The following ADGRL3 variants were observed in gnomAD, a reference collection of about 807,000 sequenced individuals.
ADGRL3 encodes the protein calcium-independent alpha-latrotoxin receptor 3.
ADGRL3 carries 62 observed loss-of-function variants against 153.5 expected under a neutral mutation model. The ratio of observed to expected loss-of-function variants is 0.40; its 90% CI spans 0.33 to 0.50. The LOEUF (loss-of-function observed/expected upper bound fraction) is 0.50. Ranked by LOEUF, ADGRL3 falls within the 20% of genes least tolerant of loss-of-function variation. The pLI is 0.47. For synonymous variants in ADGRL3, 710 were observed against 672.5 expected (o/e 1.06, Z -0.86); for missense variants, 1,641 against 1,859.4 (o/e 0.88, Z 2.16).
intron 8 of ADGRL3, among the ~76,000 whole-genome samples, chr4:61,774,457 A>G (rs1372712387): frequency 6.6e-6 from 1 of 152,074 alleles, no homozygotes; most frequent in African/African-American, 2.4e-5. Flanking sequence ...AAAACAATAC[A>G]GTATAACAAC....
intron 1 of ADGRL3, among the ~76,000 whole-genome samples, chr4:61,263,396 C>G (rs11731649): frequency 0.42 from 62,691 of 150,132 alleles, 13,115 homozygotes; most frequent in Non-Finnish European, 0.44. Flanking sequence ...GGGGTTTAAC[C>G]CTTTCAGTAT....
In ADGRL3 at chr4:61,726,210, G is replaced by GTTTTTTTTTTTTGTTTTTTTTTT. The variant is rs149472429; in HGVS notation, c.584-4406_584-4405insTTTTTTGTTTTTTTTTTTTTTTT. Among the ~76,000 whole-genome samples, 13 of 118,528 alleles carry GTTTTTTTTTTTTGTTTTTTTTTT rather than the reference G, an allele frequency of 1.1e-4. 2 individuals are homozygous for GTTTTTTTTTTTTGTTTTTTTTTT. The highest frequency in any genetic ancestry group is 2.6e-4 in the East Asian group (1 of 3,898). 77.8% of individuals were successfully genotyped at this position (118,528 alleles called of 152,430 possible). ...AATACTCACTGGAACTTTTTTTTTT[G>GTTTTTTTTTTTTGTTTTTTTTTT]TTTTTTGAGAAGGAGTCTCACCCTG... On this transcript the variant is annotated intron_variant, in intron 6 of 26. Transcript: ENST00000683033.
chr4:61,755,149 G>A (rs1046168436), intron 8 of ADGRL3, among the ~76,000 whole-genome samples: 2 of 152,144 alleles, frequency 1.3e-5, no homozygotes, highest in African/African-American at 2.4e-5. Context: ...TGGGATGGCT[G>A]GGTCAAATGG....
chr4:61,326,799 T>A (rs2095475267), intron 1 of ADGRL3, among the ~76,000 whole-genome samples: 1 of 152,008 alleles, frequency 6.6e-6, no homozygotes, highest in South Asian at 2.1e-4. Flanking sequence ...ACTATGCATC[T>A]CTTATTGACA....
intron 10 of ADGRL3, among the ~76,000 whole-genome samples, chr4:61,895,107 T>G (rs2098619900): frequency 6.6e-6 from 1 of 152,190 alleles, no homozygotes; most frequent in Admixed American, 6.5e-5. Context: ...CTACCTTGCC[T>G]CTACAAAGTC....
intron 1 of ADGRL3, among the ~76,000 whole-genome samples, chr4:61,206,483 T>G (rs1737246362): frequency 6.6e-6 from 1 of 152,186 alleles, no homozygotes; most frequent in Admixed American, 6.5e-5. Flanking sequence ...AAAGAAAACC[T>G]TTTTATAATA....
chr4:61,875,644 G>C (rs1412562112), intron 9 of ADGRL3, among the ~76,000 whole-genome samples: 1 of 152,198 alleles, frequency 6.6e-6, no homozygotes. Flanking sequence ...TAGATTCACT[G>C]TTAAGCAAGG....
At chr4:62,022,710 C>A (rs1324262715) in intron 21 of ADGRL3, among the ~76,000 whole-genome samples, 1 of 151,468 alleles carries the variant, frequency 6.6e-6, no homozygotes, top group Non-Finnish European at 1.5e-5. Context: ...ATAAATGGAA[C>A]AACAAAGCCT....
chr4:61,496,264 A>G (rs1267973349), intron 2 of ADGRL3, among the ~76,000 whole-genome samples: 6 of 152,216 alleles, frequency 3.9e-5, no homozygotes, highest in Non-Finnish European at 7.3e-5. Context: ...GTGATGAATT[A>G]AATATTTTAC....
intron 9 of ADGRL3, among the ~76,000 whole-genome samples, chr4:61,847,547 C>T (rs1253586878): frequency 7.9e-6 from 1 of 127,166 alleles, no homozygotes; most frequent in African/African-American, 3.0e-5. Flanking sequence ...GTTTAGAAGT[C>T]CCAAATGAGA....
intron 1 of ADGRL3, among the ~76,000 whole-genome samples, chr4:61,322,746 G>C (rs1383184103): frequency 2.6e-5 from 4 of 152,192 alleles, no homozygotes; most frequent in African/African-American, 7.2e-5. Flanking sequence ...GCTTTTCAGG[G>C]TACAGCCTCC....
chr4:61,911,958 T>C (rs1292186898), intron 12 of ADGRL3, among the ~76,000 whole-genome samples: 1 of 152,190 alleles, frequency 6.6e-6, no homozygotes, highest in African/African-American at 2.4e-5. Flanking sequence ...CAGGAAATAA[T>C]GTTTGGTGTG....
At chr4:61,452,900 A>C (rs956203211) in intron 2 of ADGRL3, among the ~76,000 whole-genome samples, 11 of 152,180 alleles carry the variant, frequency 7.2e-5, no homozygotes, top group Non-Finnish European at 1.5e-5. Context: ...GAGTTTTAAA[A>C]AAAATATTGT....
intron 1 of ADGRL3, among the ~76,000 whole-genome samples, chr4:61,317,849 CA>C (rs2095259351): frequency 6.6e-6 from 1 of 152,028 alleles, no homozygotes; most frequent in Admixed American, 6.6e-5. Flanking sequence ...CAAAAACTTA[CA>C]AGACAACTAT....
intron 2 of ADGRL3, among the ~76,000 whole-genome samples, chr4:61,383,749 A>G (rs936576280): frequency 1.3e-5 from 2 of 151,826 alleles, no homozygotes; most frequent in African/African-American, 4.8e-5. Flanking sequence ...GTTATTTATC[A>G]GAAATATGTT....
rs541906834 is a variant in ADGRL3 at position 61,572,258 on chromosome 4, T to C, written c.260-14969T>C. 2.3e-4 allele frequency among the ~76,000 whole-genome samples: 35 copies of C among 152,226 alleles called. 1 individual carries two copies. The South Asian group carries it at 6.8e-3, about 30-fold the overall frequency. Reference sequence around the variant, plus strand: ...AAAGTGCAAATATTATCCCAGTGGGTTTGTAGTTCCTCTATGGAAACTGAT... The same window carrying C: ...AAAGTGCAAATATTATCCCAGTGGGCTTGTAGTTCCTCTATGGAAACTGAT... On this transcript the variant is annotated intron_variant, in intron 4 of 26. Coordinates refer to ENST00000683033, the MANE Select transcript of ADGRL3 (RefSeq NM_001387552.1).
At chr4:61,439,162 A>T (rs1440070332) in intron 2 of ADGRL3, among the ~76,000 whole-genome samples, 3 of 152,198 alleles carry the variant, frequency 2.0e-5, no homozygotes, top group African/African-American at 7.2e-5. Flanking sequence ...AAAATTTCTG[A>T]TATGGGTTGC....
At chr4:61,758,277 G>T (rs1288349365) in intron 8 of ADGRL3, among the ~76,000 whole-genome samples, 1 of 152,194 alleles carries the variant, frequency 6.6e-6, no homozygotes, top group East Asian at 1.9e-4. Context: ...GTGACAGTGG[G>T]GTGTTAAAAG....
At chr4:61,402,331 T>A (rs553632119) in intron 2 of ADGRL3, among the ~76,000 whole-genome samples, 19 of 152,250 alleles carry the variant, frequency 1.2e-4, no homozygotes, top group African/African-American at 1.2e-4. Context: ...AAAATTTTTT[T>A]AAAAATTATT....
Sources: gnomAD v4.1 joint callset for allele counts (sites outside exome capture counted in the v4.1 genomes callset) on GRCh38, gnomAD v4.1.1 for gene constraint, MANE v1.5 for transcripts, NCBI Gene and HGNC (gene_info 2026-07-23, HGNC 2026-07-21) for gene names.